The following RGS7 variants were observed in gnomAD, a reference collection of about 807,000 sequenced individuals.
RGS7 encodes regulator of G protein signaling 7, also known as regulator of G-protein signaling 7.
Under a neutral mutation model 81.1 loss-of-function variants are expected in RGS7, and 27 were observed. The ratio of observed to expected loss-of-function variants is 0.33; its 90% confidence interval spans 0.25 to 0.46. The LOEUF is 0.46. Ranked by LOEUF, RGS7 falls within the 20% of genes least tolerant of loss-of-function variation. The pLI is 1.00. For missense variants in RGS7, 396 were observed against 607.4 expected (o/e 0.65, Z 3.66); for synonymous variants, 208 against 207.7 (o/e 1.00, Z -0.01).
At chr1:241,322,122 C>A (rs901518426) in intron 2 of RGS7, among the ~76,000 whole-genome samples, 1 of 152,186 alleles carries the variant, frequency 6.6e-6, no homozygotes, top group Admixed American at 6.5e-5. Context: ...GATTATCCCA[C>A]CTGAGAGCAA....
At chr1:240,986,153 T>C (rs1010095299) in intron 3 of RGS7, among the ~76,000 whole-genome samples, 1 of 152,106 alleles carries the variant, frequency 6.6e-6, no homozygotes, top group African/African-American at 2.4e-5. Flanking sequence ...TATGTCACTT[T>C]TAGAGTTGCA....
rs573203159 is a variant in RGS7 at position 240,822,655 on chromosome 1, A to G, written c.684+4443T>C. Reference sequence around the variant, plus strand: ...CATGAAAATTTCACTTTTCATCTCAAACTAGTGATTTGTCTTCTTACCCAT... The same window carrying G: ...CATGAAAATTTCACTTTTCATCTCAGACTAGTGATTTGTCTTCTTACCCAT... On this transcript the variant is annotated intron_variant, in intron 10 of 18. Transcript: ENST00000440928. Among the ~76,000 whole-genome samples the G allele has an allele frequency of 2.0e-4, 30 of 152,302 alleles. No individual in the cohort carries two copies. The South Asian group carries it at 5.6e-3, about 28-fold the overall frequency.
At chr1:240,886,073 C>T (rs962318228) in intron 6 of RGS7, among the ~76,000 whole-genome samples, 4 of 152,032 alleles carry the variant, frequency 2.6e-5, no homozygotes, top group African/African-American at 7.2e-5. Context: ...GTAAGAAATA[C>T]CATACTTTAA....
chr1:241,089,061 C>CTATATA (rs1354977800), intron 3 of RGS7, among the ~76,000 whole-genome samples: 44 of 36,898 alleles, frequency 1.2e-3, no homozygotes, highest in Non-Finnish European at 1.6e-3. Context: ...CTCTCTCTCT[C>CTATATA]TCTATATATA....
chr1:241,110,978 C>T (rs1373745732), intron 2 of RGS7, among the ~76,000 whole-genome samples: 1 of 152,112 alleles, frequency 6.6e-6, no homozygotes, highest in African/African-American at 2.4e-5. Flanking sequence ...AGCCACCGTG[C>T]TTGGCCAAGC....
At chr1:241,312,097 A>G (rs2080569633) in intron 2 of RGS7, among the ~76,000 whole-genome samples, 1 of 152,224 alleles carries the variant, frequency 6.6e-6, no homozygotes, top group Non-Finnish European at 1.5e-5. Context: ...AGATTACCAA[A>G]TACAGGGAGA....
intron 18 of RGS7, among the ~76,000 whole-genome samples, chr1:240,786,063 G>C (rs1313613831): frequency 6.6e-6 from 1 of 152,146 alleles, no homozygotes; most frequent in Non-Finnish European, 1.5e-5. Context: ...ATACATTTAA[G>C]TACTGGTCAC....
chr1:241,069,516 TTAA>T (rs1449137788), intron 3 of RGS7, among the ~76,000 whole-genome samples: 2 of 152,206 alleles, frequency 1.3e-5, no homozygotes, highest in Non-Finnish European at 2.9e-5. Context: ...AAGCATTATA[TTAA>T]TAATAATCAT....
chr1:240,910,978 C>T (rs1353190806), intron 6 of RGS7, among the ~76,000 whole-genome samples: 1 of 152,174 alleles, frequency 6.6e-6, no homozygotes, highest in Non-Finnish European at 1.5e-5. Flanking sequence ...GCTGGGATTA[C>T]AGGCCTGAGC....
chr1:240,824,400 C>T (rs1477007441), intron 10 of RGS7, among the ~76,000 whole-genome samples: 2 of 152,180 alleles, frequency 1.3e-5, no homozygotes. Context: ...TCCTGAGCAG[C>T]CACAGTATAA....
chr1:240,869,176 T>G (rs1572507140), intron 7 of RGS7, among the ~76,000 whole-genome samples: 1 of 152,178 alleles, frequency 6.6e-6, no homozygotes, highest in African/African-American at 2.4e-5. Flanking sequence ...CCACTGGATT[T>G]TTCGGTACCC....
intron 3 of RGS7, among the ~76,000 whole-genome samples, chr1:241,034,192 C>T (rs1254809389): frequency 6.6e-6 from 1 of 152,190 alleles, no homozygotes; most frequent in Non-Finnish European, 1.5e-5. Context: ...AGATTTGTGC[C>T]ATGTCATCCT....
At chr1:240,882,180 G>T (rs1666523406) in intron 6 of RGS7, among the ~76,000 whole-genome samples, 1 of 152,168 alleles carries the variant, frequency 6.6e-6, no homozygotes, top group Admixed American at 6.5e-5. Context: ...CTCCCAAACT[G>T]CTGGGATTAC....
intron 9 of RGS7, among the ~76,000 whole-genome samples, chr1:240,845,180 T>C (rs1409632018): frequency 6.6e-6 from 1 of 152,196 alleles, no homozygotes; most frequent in Non-Finnish European, 1.5e-5. Context: ...GAGGTAGACA[T>C]GAACATTTCT....
At chr1:240,898,682 TG>T (rs1450875198) in intron 6 of RGS7, among the ~76,000 whole-genome samples, 3 of 152,218 alleles carry the variant, frequency 2.0e-5, no homozygotes, top group Non-Finnish European at 4.4e-5. Flanking sequence ...TTACATTTGC[TG>T]AGGAGTGCTT....
chr1:241,093,647 A>G (rs2064042840), intron 3 of RGS7, among the ~76,000 whole-genome samples: 1 of 152,198 alleles, frequency 6.6e-6, no homozygotes, highest in Admixed American at 6.5e-5. Flanking sequence ...AAAATAAAGT[A>G]AAATAAAAAC....
chr1:241,246,366 C>T (rs1415000619), intron 2 of RGS7, among the ~76,000 whole-genome samples: 1 of 152,086 alleles, frequency 6.6e-6, no homozygotes, highest in Non-Finnish European at 1.5e-5. Context: ...AGGTAGTGAA[C>T]CGTGATAGAG....
At chr1:241,242,744 T>C (rs1310198600) in intron 2 of RGS7, among the ~76,000 whole-genome samples, 1 of 152,200 alleles carries the variant, frequency 6.6e-6, no homozygotes, top group Non-Finnish European at 1.5e-5. Context: ...ATGTTGAGGA[T>C]TTTTTTCATA....
intron 4 of RGS7, among the ~76,000 whole-genome samples, chr1:240,981,970 C>T (rs1260053544): frequency 6.6e-6 from 1 of 152,216 alleles, no homozygotes; most frequent in East Asian, 1.9e-4. Context: ...CATAGGTTGG[C>T]ATATCACTGA....
Sources: allele counts gnomAD v4.1 joint callset (sites outside exome capture counted in the v4.1 genomes callset), GRCh38; gene constraint gnomAD v4.1.1; transcripts MANE v1.5; gene names NCBI Gene and HGNC (gene_info 2026-07-23, HGNC 2026-07-21).